WRN: variants seen among roughly 807,000 people sequenced by gnomAD.
WRN encodes WRN RecQ like helicase.
In WRN, 149 loss-of-function variants were observed where a neutral mutation model predicts 180.7. The ratio of observed to expected loss-of-function variants is 0.82; its 90% confidence interval spans 0.72 to 0.94. The LOEUF (loss-of-function observed/expected upper bound fraction) is 0.94. WRN is among the 40% of genes least tolerant of loss of function. WRN has a pLI of 0.00. For synonymous variants in WRN, 548 were observed against 568.9 expected, an observed-to-expected ratio of 0.96 and a Z score of 0.52; for missense variants, 1,661 against 1,700.1, an observed-to-expected ratio of 0.98 and a Z score of 0.40.
At chr8:31,136,209 T>A (rs1277750694) in intron 24 of WRN, among the ~76,000 whole-genome samples, 1 of 152,142 alleles carries the variant, frequency 6.6e-6, no homozygotes, top group Non-Finnish European at 1.5e-5. Context: ...CCCAGGCTGG[T>A]CTTGAACCCC....
chr8:31,093,141 G>T (rs2130185703), intron 16 of WRN, among the ~76,000 whole-genome samples: 1 of 152,120 alleles, frequency 6.6e-6, no homozygotes, highest in South Asian at 2.1e-4. Flanking sequence ...ATCTTGCTTG[G>T]TTGCCCAGGC....
At chr8:31,040,553 AAAAT>A (rs1451996455) in intron 1 of WRN, among the ~76,000 whole-genome samples, 3 of 152,220 alleles carry the variant, frequency 2.0e-5, no homozygotes, top group African/African-American at 7.2e-5. Flanking sequence ...GAAACCTGAT[AAAAT>A]GTTTCAAGAA....
At chr8:31,119,046 A>T (rs1801621516) in intron 20 of WRN, among the ~76,000 whole-genome samples, 1 of 151,998 alleles carries the variant, frequency 6.6e-6, no homozygotes. Flanking sequence ...TACATATATC[A>T]AAAAATTGCT....
intron 8 of WRN, among the ~76,000 whole-genome samples, chr8:31,077,395 C>A (rs1221071996): frequency 1.5e-5 from 2 of 136,506 alleles, no homozygotes; most frequent in Non-Finnish European, 3.3e-5. Context: ...CGCCCGCCAC[C>A]CCACCTGGCT....
chr8:31,034,462 A>G (rs762663901), intron 1 of WRN, among the ~76,000 whole-genome samples: 1 of 152,120 alleles, frequency 6.6e-6, no homozygotes, highest in Non-Finnish European at 1.5e-5. Flanking sequence ...ACTACTCCCT[A>G]TTGAAGAGGG....
intron 30 of WRN, 110 bp downstream of exon 30, chr8:31,147,586 G>C: frequency 9.7e-7 from 1 of 1,026,548 alleles, no homozygotes. Flanking sequence ...CATCTGGGAG[G>C]TGACTCAGAT....
At chr8:31,133,052 T>A (rs948758992) in intron 24 of WRN, among the ~76,000 whole-genome samples, 1 of 152,216 alleles carries the variant, frequency 6.6e-6, no homozygotes, top group Non-Finnish European at 1.5e-5. Context: ...TCAATTAAAT[T>A]CAGTTACTTT....
At chr8:31,096,303 T>C (rs560797120) in intron 16 of WRN, among the ~76,000 whole-genome samples, 24 of 152,314 alleles carry the variant, frequency 1.6e-4, no homozygotes, top group Admixed American at 6.5e-4. Flanking sequence ...TTTCATTTCA[T>C]AGAATGGAGA....
At chr8:31,046,131 C>G (rs1811852499) in intron 1 of WRN, among the ~76,000 whole-genome samples, 1 of 152,000 alleles carries the variant, frequency 6.6e-6, no homozygotes, top group African/African-American at 2.4e-5. Flanking sequence ...GTATTTGATT[C>G]TGTCTTATAT....
chr8:31,112,495 G>A (rs991062866), intron 19 of WRN, among the ~76,000 whole-genome samples: 8 of 152,006 alleles, frequency 5.3e-5, no homozygotes, highest in Non-Finnish European at 1.2e-4. Flanking sequence ...GAGGAAACTG[G>A]CATTAGTACT....
intron 7 of WRN, 62 bp downstream of exon 7, chr8:31,068,389 A>C: frequency 7.2e-7 from 1 of 1,382,584 alleles, no homozygotes; most frequent in Non-Finnish European, 1.0e-6. Flanking sequence ...TCTCCAAAAA[A>C]GGCAATATTC....
At chr8:31,122,499 C>A (rs933770379) in intron 21 of WRN, among the ~76,000 whole-genome samples, 9 of 151,928 alleles carry the variant, frequency 5.9e-5, no homozygotes, top group African/African-American at 2.2e-4. Context: ...GGCAAAGTCC[C>A]AATGTCTGCA....
intron 28 of WRN, among the ~76,000 whole-genome samples, chr8:31,146,370 G>A (rs1291483931): frequency 2.0e-5 from 3 of 151,128 alleles, no homozygotes; most frequent in South Asian, 2.1e-4. Context: ...TAACCCAACC[G>A]TGTTATTATG....
intron 15 of WRN, among the ~76,000 whole-genome samples, chr8:31,091,172 A>G (rs1585441238): frequency 2.0e-5 from 3 of 152,184 alleles, no homozygotes; most frequent in Admixed American, 6.5e-5. Context: ...TTTAAAAAAC[A>G]TTATTACTTT....
chr8:31,163,726 C>G (rs1803728434), intron 33 of WRN, among the ~76,000 whole-genome samples: 1 of 152,000 alleles, frequency 6.6e-6, no homozygotes, highest in Non-Finnish European at 1.5e-5. Flanking sequence ...GATATACTTA[C>G]TAAAAACTTA....
intron 33 of WRN, among the ~76,000 whole-genome samples, chr8:31,158,003 C>T (rs1012697272): frequency 6.6e-6 from 1 of 152,208 alleles, no homozygotes; most frequent in Non-Finnish European, 1.5e-5. Flanking sequence ...GCTGCGATTA[C>T]AGGTGTGAGC....
At chr8:31,125,324 AT>A (rs895876062) in intron 23 of WRN, among the ~76,000 whole-genome samples, 8 of 151,140 alleles carry the variant, frequency 5.3e-5, no homozygotes, top group African/African-American at 1.9e-4. Flanking sequence ...ATCCACTGTA[AT>A]TATATAGATA....
chr8:31,093,726 A>G (rs1299106331), intron 16 of WRN, among the ~76,000 whole-genome samples: 1 of 152,178 alleles, frequency 6.6e-6, no homozygotes, highest in Non-Finnish European at 1.5e-5. Flanking sequence ...CAGATAATGA[A>G]CATATTCATC....
Position 31,174,118 on chromosome 8 carries a change from T to A in WRN, c.*1016T>A, listed in dbSNP as rs1241574499. ...TTTTGTGTATCCCACCAGACTTTTT[T>A]ATATTCATTTGTTTTTAGTTAAAAT... On this transcript the variant is annotated 3_prime_UTR_variant, in exon 35 of 35. Coordinates refer to ENST00000298139, the MANE Select transcript of WRN (RefSeq NM_000553.6). Among the ~76,000 whole-genome samples, 3 of 152,268 alleles carry A rather than the reference T, an allele frequency of 2.0e-5. No individual in the cohort carries two copies. The highest frequency in any genetic ancestry group is 7.2e-5 in the African/African-American group (3 of 41,472).
Sources: gnomAD v4.1 joint callset for allele counts (sites outside exome capture counted in the v4.1 genomes callset) on GRCh38, gnomAD v4.1.1 for gene constraint, MANE v1.5 for transcripts, NCBI Gene and HGNC (gene_info 2026-07-23, HGNC 2026-07-21) for gene names.